NRXN3: variants seen among roughly 807,000 people sequenced by gnomAD.
NRXN3 encodes the protein neurexin 3.
A neutral mutation model predicts 137.6 loss-of-function variants in NRXN3; 32 were observed. That is an observed-to-expected ratio of 0.23 (90% CI 0.18 to 0.31). NRXN3 has a LOEUF of 0.31. NRXN3 is among the 10% of genes least tolerant of loss of function. The pLI, the probability that NRXN3 is intolerant of heterozygous loss-of-function variation, is 1.00. For synonymous variants in NRXN3, 798 were observed against 784.5 expected, an observed-to-expected ratio of 1.02 and a Z score of -0.29; for missense variants, 1,574 against 2,062.5, an observed-to-expected ratio of 0.76 and a Z score of 4.59.
chr14:78,816,874 A>G (rs1361382313), intron 10 of NRXN3, among the ~76,000 whole-genome samples: 2 of 152,172 alleles, frequency 1.3e-5, no homozygotes, highest in Admixed American at 6.5e-5. Context: ...TTGCTGTCAC[A>G]TATTTATTTC....
At chr14:79,832,342 C>T (rs542256421) in intron 20 of NRXN3, among the ~76,000 whole-genome samples, 1 of 152,216 alleles carries the variant, frequency 6.6e-6, no homozygotes, top group South Asian at 2.1e-4. Flanking sequence ...GGAGTGTCTC[C>T]TAAGTTGCAT....
intron 8 of NRXN3, among the ~76,000 whole-genome samples, chr14:78,772,613 T>C (rs1251125690): frequency 3.3e-5 from 5 of 152,176 alleles, no homozygotes; most frequent in Non-Finnish European, 7.4e-5. Flanking sequence ...GTTAGGTCAA[T>C]GTTTCTTAAA....
Position 78,792,257 on chromosome 14 carries a change from C to CAAAAAAAAAAAAAA in NRXN3, c.2045-11350_2045-11337dup, listed in dbSNP as rs140968788. 4.6e-4 allele frequency among the ~76,000 whole-genome samples: 9 copies of CAAAAAAAAAAAAAA among 19,456 alleles called. 2 individuals carry two copies. Among genetic ancestry groups the CAAAAAAAAAAAAAA allele is most frequent in the East Asian group, 5.6e-3 (2 of 358 alleles). 12.8% of individuals were successfully genotyped at this position (19,456 alleles called of 152,430 possible). ...GAAAAGGGAGATTGTAGACTAAAGG[C>CAAAAAAAAAAAAAA]AAAAAAAAAAAAAAAAAAAAAAAAA... On this transcript the variant is annotated intron_variant, in intron 8 of 20. Transcript: ENST00000335750.
At chr14:79,814,311 G>A (rs2099245095) in intron 20 of NRXN3, among the ~76,000 whole-genome samples, 1 of 152,166 alleles carries the variant, frequency 6.6e-6, no homozygotes, top group African/African-American at 2.4e-5. Context: ...GTCCACTGTC[G>A]TGGTGTTGTT....
intron 15 of NRXN3, among the ~76,000 whole-genome samples, chr14:79,316,984 A>C (rs1032881120): frequency 2.6e-5 from 4 of 152,070 alleles, no homozygotes; most frequent in African/African-American, 9.7e-5. Flanking sequence ...TAATCCCAGC[A>C]CTTTGGGAGG....
chr14:78,178,942 A>G (rs984558023), intron 1 of NRXN3, among the ~76,000 whole-genome samples: 4 of 152,146 alleles, frequency 2.6e-5, no homozygotes, highest in African/African-American at 9.7e-5. Context: ...AGGTCTGGAT[A>G]GGAACTCTGG....
At chr14:79,241,037 G>C (rs1322929998) in intron 15 of NRXN3, among the ~76,000 whole-genome samples, 1 of 152,050 alleles carries the variant, frequency 6.6e-6, no homozygotes, top group Non-Finnish European at 1.5e-5. Context: ...ACAGCCTCTT[G>C]TTTAAATCAC....
At chr14:78,952,861 A>G (rs1425310794) in intron 10 of NRXN3, among the ~76,000 whole-genome samples, 1 of 152,054 alleles carries the variant, frequency 6.6e-6, no homozygotes, top group Non-Finnish European at 1.5e-5. Context: ...TCCCTCCCCA[A>G]CCTCCACCCA....
intron 4 of NRXN3, among the ~76,000 whole-genome samples, chr14:78,399,368 T>G (rs1470561212): frequency 2.0e-5 from 3 of 152,222 alleles, no homozygotes; most frequent in African/African-American, 4.8e-5. Flanking sequence ...GCATGTATAC[T>G]CTATTCTCCC....
chr14:79,598,792 A>G (rs1318827640), intron 16 of NRXN3, among the ~76,000 whole-genome samples: 2 of 152,212 alleles, frequency 1.3e-5, no homozygotes, highest in Non-Finnish European at 2.9e-5. Context: ...TTTTGAAGGT[A>G]CAGTGACTCC....
intron 15 of NRXN3, among the ~76,000 whole-genome samples, chr14:79,037,659 A>G (rs2099618289): frequency 1.3e-5 from 2 of 152,092 alleles, no homozygotes; most frequent in South Asian, 2.1e-4. Context: ...TGCCACATTG[A>G]GAGGAGATTC....
In NRXN3 at chr14:79,719,251, A is replaced by ATGTG. The variant is rs4016617; in HGVS notation, c.4014+21336_4014+21339dup. ...TATCATCCCGTCATCATAGACATATATGTGTGTGTGTGTGTGTGTGTGTGT... is the reference window on the plus strand; with the variant it reads ...TATCATCCCGTCATCATAGACATATATGTGTGTGTGTGTGTGTGTGTGTGTGTGT... On this transcript the variant is annotated intron_variant, in intron 19 of 20. Coordinates refer to ENST00000335750, the MANE Select transcript of NRXN3 (RefSeq NM_001330195.2). Among the ~76,000 whole-genome samples, 407 of 149,040 alleles carry ATGTG rather than the reference A, an allele frequency of 2.7e-3. 3 individuals are homozygous for ATGTG. The highest frequency in any genetic ancestry group is 5.6e-3 in the African/African-American group (227 of 40,234).
At chr14:79,506,690 T>C (rs1335815145) in intron 16 of NRXN3, among the ~76,000 whole-genome samples, 2 of 152,204 alleles carry the variant, frequency 1.3e-5, no homozygotes, top group African/African-American at 2.4e-5. Context: ...TTAGTCTTTC[T>C]GTTTGACATT....
At chr14:78,320,433 G>T (rs61467094) in intron 4 of NRXN3, among the ~76,000 whole-genome samples, 1 of 152,104 alleles carries the variant, frequency 6.6e-6, no homozygotes, top group African/African-American at 2.4e-5. Flanking sequence ...GCTTGAGGTC[G>T]TCTGTGTGAG....
At chr14:79,261,649 G>C (rs2077612818) in intron 15 of NRXN3, among the ~76,000 whole-genome samples, 1 of 143,650 alleles carries the variant, frequency 7.0e-6, no homozygotes, top group Non-Finnish European at 1.5e-5. Flanking sequence ...GTGTGATGGG[G>C]TGGGGGCGGG....
Position 79,288,355 on chromosome 14 carries a change from C to T in NRXN3, c.3263-178866C>T, listed in dbSNP as rs534108990. On this transcript the variant is annotated intron_variant, in intron 15 of 20. Coordinates refer to ENST00000335750, the MANE Select transcript of NRXN3 (RefSeq NM_001330195.2). ...CATATCAGAGCAGGGGGCAGACTAG[C>T]AACTGGGTTTATAAAGAGGAAATGG... is the stretch of plus-strand genomic sequence containing the variant. 2.6e-5 allele frequency among the ~76,000 whole-genome samples: 4 copies of T among 152,302 alleles called. No homozygotes were observed. The South Asian group carries it at 8.3e-4, about 32-fold the overall frequency.
At chr14:78,230,777 G>A (rs1230116109) in intron 1 of NRXN3, among the ~76,000 whole-genome samples, 2 of 152,150 alleles carry the variant, frequency 1.3e-5, no homozygotes, top group African/African-American at 4.8e-5. Context: ...AAGGTGGCTG[G>A]TGTCAGACCG....
rs548145866 is a variant in NRXN3 at position 78,628,823 on chromosome 14, C to A, written c.758-16297C>A. Among the ~76,000 whole-genome samples the A allele has an allele frequency of 7.2e-5, 11 of 152,338 alleles. No individual in the cohort carries two copies. The South Asian group carries it at 1.9e-3, about 26-fold the overall frequency. ...GCCACAGAAGCCCTAGAAGATCACA[C>A]AGTGAATTGCTTAGCTTCTGCTCTC... On this transcript the variant is annotated intron_variant, in intron 4 of 20. Coordinates refer to ENST00000335750, the MANE Select transcript of NRXN3 (RefSeq NM_001330195.2).
intron 15 of NRXN3, among the ~76,000 whole-genome samples, chr14:79,122,226 G>A (rs2055572284): frequency 6.6e-6 from 1 of 152,158 alleles, no homozygotes; most frequent in South Asian, 2.1e-4. Flanking sequence ...TTGGGGCACT[G>A]GTTAAGGAAA....
Sources: gnomAD v4.1 joint callset for allele counts (sites outside exome capture counted in the v4.1 genomes callset) on GRCh38, gnomAD v4.1.1 for gene constraint, MANE v1.5 for transcripts, NCBI Gene and HGNC (gene_info 2026-07-23, HGNC 2026-07-21) for gene names.